Variants in MTUS2 observed in about 807,000 individuals in gnomAD.
The protein encoded by MTUS2 is microtubule-associated tumor suppressor candidate 2.
Under a neutral mutation model 114.1 loss-of-function variants are expected in MTUS2, and 40 were observed. The ratio of observed to expected loss-of-function variants is 0.35; its 90% CI spans 0.27 to 0.46. The LOEUF (loss-of-function observed/expected upper bound fraction) is 0.46, where lower values mean the gene tolerates loss of function less well. Ranked by LOEUF, MTUS2 falls within the 20% of genes least tolerant of loss-of-function variation. The probability of loss-of-function intolerance (pLI) is 1.00; values close to 1 mark genes in which losing one functional copy is unlikely to be tolerated. For missense variants in MTUS2, 1,679 were observed against 1,705.4 expected (o/e 0.98, Z 0.27); for synonymous variants, 688 against 672.0 (o/e 1.02, Z -0.37).
At chr13:29,411,947 A>G (rs1404964941) in intron 8 of MTUS2, among the ~76,000 whole-genome samples, 2 of 152,170 alleles carry the variant, frequency 1.3e-5, no homozygotes, top group East Asian at 1.9e-4. Flanking sequence ...TTATTGAATT[A>G]TTGTACTGTG....
chr13:29,271,074 G>A (rs1057093191), intron 5 of MTUS2, among the ~76,000 whole-genome samples: 3 of 152,142 alleles, frequency 2.0e-5, no homozygotes, highest in Admixed American at 1.3e-4. Flanking sequence ...TTCTTCTGGG[G>A]CCTGTAACCT....
chr13:29,014,985 G>A (rs994406361), intron 2 of MTUS2, among the ~76,000 whole-genome samples: 2 of 152,160 alleles, frequency 1.3e-5, no homozygotes, highest in African/African-American at 4.8e-5. Context: ...CACAGTGCCC[G>A]GGATGACTCC....
At chr13:28,997,231 C>T (rs1389439860) in intron 2 of MTUS2, among the ~76,000 whole-genome samples, 1 of 152,140 alleles carries the variant, frequency 6.6e-6, no homozygotes, top group Non-Finnish European at 1.5e-5. Flanking sequence ...ATCCTGAGTT[C>T]TAGTTTGATT....
At chr13:28,870,038 A>G (rs927813536) in intron 2 of MTUS2, among the ~76,000 whole-genome samples, 1 of 152,182 alleles carries the variant, frequency 6.6e-6, no homozygotes, top group South Asian at 2.1e-4. Flanking sequence ...TCATACAGTG[A>G]TATTTCAATA....
At chr13:28,949,485 T>C (rs1195615251) in intron 2 of MTUS2, among the ~76,000 whole-genome samples, 1 of 152,240 alleles carries the variant, frequency 6.6e-6, no homozygotes, top group Non-Finnish European at 1.5e-5. Context: ...ACACCTAACA[T>C]TTACCATCTT....
chr13:29,415,143 T>C (rs1274685990), intron 8 of MTUS2, among the ~76,000 whole-genome samples: 1 of 152,084 alleles, frequency 6.6e-6, no homozygotes, highest in Non-Finnish European at 1.5e-5. Flanking sequence ...CTTTTTGCAT[T>C]GTGTTCAGTA....
intron 5 of MTUS2, among the ~76,000 whole-genome samples, chr13:29,247,109 C>T (rs1357643609): frequency 2.6e-5 from 4 of 152,172 alleles, no homozygotes; most frequent in East Asian, 1.9e-4. Flanking sequence ...GAAATAAAGC[C>T]GAATACCTAC....
intron 5 of MTUS2, among the ~76,000 whole-genome samples, chr13:29,175,795 C>G (rs747796611): frequency 2.9e-4 from 44 of 150,620 alleles, no homozygotes; most frequent in Non-Finnish European, 6.2e-4. Flanking sequence ...TCTGGAAACT[C>G]ACAACAGAGG....
chr13:29,355,797 T>C (rs920024184), intron 7 of MTUS2, among the ~76,000 whole-genome samples: 3 of 152,186 alleles, frequency 2.0e-5, no homozygotes, highest in Non-Finnish European at 4.4e-5. Flanking sequence ...AGGAAGTACA[T>C]TGGAGATAAA....
rs1452243212 is a variant in MTUS2, at chr13:29,281,586, GA to G, written c.2645-116del. 21 of 1,124,056 alleles carry G rather than the reference GA, an allele frequency of 1.9e-5. No individual in the cohort carries two copies. The African/African-American group carries it at 2.9e-4, about 16-fold the overall frequency. 69.6% of individuals were successfully genotyped at this position (1,124,056 alleles called of 1,614,324 possible). ...AATACTTTTCAAGGTCACTCACTAA[GA>G]ATCAGGTCAAGTTCTAAAGCAGATG... On this transcript the variant is annotated intron_variant, in intron 5 of 15. Coordinates refer to ENST00000612955, the MANE Select transcript of MTUS2 (RefSeq NM_001033602.4).
At chr13:29,085,313 G>A (rs1431430402) in intron 4 of MTUS2, among the ~76,000 whole-genome samples, 2 of 152,122 alleles carry the variant, frequency 1.3e-5, no homozygotes, top group African/African-American at 4.8e-5. Flanking sequence ...AGTTCAGGGG[G>A]TACATGTGAG....
intron 5 of MTUS2, among the ~76,000 whole-genome samples, chr13:29,116,697 A>G (rs1891102555): frequency 6.6e-6 from 1 of 152,174 alleles, no homozygotes; most frequent in Non-Finnish European, 1.5e-5. Context: ...CACAGGCACT[A>G]AGACGCCGCC....
chr13:28,885,340 T>G (rs1269676677), intron 2 of MTUS2, among the ~76,000 whole-genome samples: 2 of 152,126 alleles, frequency 1.3e-5, no homozygotes. Context: ...CTTCTGTGGA[T>G]AAAGGGAAGG....
intron 1 of MTUS2, among the ~76,000 whole-genome samples, chr13:28,838,788 TG>T (rs139468025): frequency 0.033 from 4,995 of 152,118 alleles, 222 homozygotes; most frequent in African/African-American, 0.098. Flanking sequence ...GGGGACTGGG[TG>T]GGAAGAAAGA....
At position 29,503,229 on chromosome 13, in the gene MTUS2, G is replaced by C. The variant is rs752254541; in HGVS notation, c.*23G>C. 1.2e-6 allele frequency: 2 copies of C among 1,611,100 alleles called. No homozygotes were observed. Among genetic ancestry groups the C allele is most frequent in the Non-Finnish European group, 1.7e-6 (2 of 1,179,434 alleles). Reference sequence around the variant, plus strand: ...TGACGCCACTACACGGCCTGCGGGAGCTCCGGCTTCTCGTCCTCCGGTCTC... The same window carrying C: ...TGACGCCACTACACGGCCTGCGGGACCTCCGGCTTCTCGTCCTCCGGTCTC... On this transcript the variant is annotated 3_prime_UTR_variant, in exon 16 of 16. Transcript: ENST00000612955.
chr13:29,079,038 C>T (rs1889322657), intron 4 of MTUS2, among the ~76,000 whole-genome samples: 2 of 152,178 alleles, frequency 1.3e-5, no homozygotes, highest in Non-Finnish European at 2.9e-5. Context: ...TTCCCACCAG[C>T]TATATGTGGA....
At chr13:28,885,689 A>G (rs1878551469) in intron 2 of MTUS2, among the ~76,000 whole-genome samples, 1 of 152,202 alleles carries the variant, frequency 6.6e-6, no homozygotes, top group Admixed American at 6.5e-5. Context: ...GACCAATCTT[A>G]AAGGTGAATA....
At chr13:29,333,821 T>G (rs1055259899) in intron 7 of MTUS2, among the ~76,000 whole-genome samples, 7 of 152,190 alleles carry the variant, frequency 4.6e-5, no homozygotes, top group African/African-American at 1.7e-4. Context: ...TTTGGGAGTC[T>G]AAGTCTTTTT....
intron 4 of MTUS2, among the ~76,000 whole-genome samples, chr13:29,051,539 T>G (rs1177910237): frequency 6.6e-6 from 1 of 151,788 alleles, no homozygotes; most frequent in African/African-American, 2.4e-5. Flanking sequence ...TGCCCCAAGA[T>G]GGGCCCCTAC....
Sources: gnomAD v4.1 joint callset for allele counts (sites outside exome capture counted in the v4.1 genomes callset) on GRCh38, gnomAD v4.1.1 for gene constraint, MANE v1.5 for transcripts, NCBI Gene and HGNC (gene_info 2026-07-23, HGNC 2026-07-21) for gene names.